The following YEATS2 variants were observed in gnomAD, a reference collection of about 807,000 sequenced individuals.
The protein encoded by YEATS2 is YEATS domain-containing protein 2.
In YEATS2, 77 loss-of-function variants were observed where a neutral mutation model predicts 163.2. The observed-to-expected ratio is 0.47, with a 90% CI of 0.39 to 0.57. The LOEUF is 0.57. Ranked by LOEUF, YEATS2 falls within the 20% of genes least tolerant of loss-of-function variation. The pLI is 0.00. For missense variants in YEATS2, 1,549 were observed against 1,729.8 expected (o/e 0.90, Z 1.85); for synonymous variants, 631 against 645.1 (o/e 0.98, Z 0.33).
At position 183,786,269 on chromosome 3, in the gene YEATS2, G is replaced by A. The variant is rs187815385; in HGVS notation, c.2881G>A (p.Val961Met). The A allele has an allele frequency of 2.0e-5, 33 of 1,613,798 alleles. No individual in the cohort carries two copies. The highest frequency in any genetic ancestry group is 1.3e-4 in the African/African-American group (10 of 75,016). ...GVITTATSPAVALSANGPAQQ... is the reference protein window; with the variant it reads ...GVITTATSPAMALSANGPAQQ... ...TATCACAACTGCCACTTCCCCTGCCGTGGCCCTCTCAGCAAACGGTCCTGC... is the reference window on the plus strand; with the variant it reads ...TATCACAACTGCCACTTCCCCTGCCATGGCCCTCTCAGCAAACGGTCCTGC... Residue 961 changes from valine to methionine, a missense_variant, in exon 20 of 31, where the codon GTG becomes ATG. Val to Met is a conservative substitution (Grantham distance 21). Coordinates refer to ENST00000305135, the MANE Select transcript of YEATS2 (RefSeq NM_018023.5).
intron 6 of YEATS2, among the ~76,000 whole-genome samples, chr3:183,725,561 G>C (rs1276602102): frequency 6.6e-6 from 1 of 152,240 alleles, no homozygotes; most frequent in Non-Finnish European, 1.5e-5. Context: ...TTAAGTGGAG[G>C]CAGGCAAGAG....
chr3:183,729,677 T>G (rs1577069963), intron 7 of YEATS2, among the ~76,000 whole-genome samples: 1 of 13,128 alleles, frequency 7.6e-5, no homozygotes, highest in South Asian at 1.9e-3. Context: ...GTTCTTTACA[T>G]TTTTTTTTTT....
chr3:183,803,480 G>T lies in YEATS2; in HGVS notation c.3582+145G>T, dbSNP rs148246581. The T allele has an allele frequency of 2.0e-4, 162 of 792,968 alleles. 1 individual carries two copies. In the East Asian group the frequency reaches 4.1e-3, roughly 20 times the overall value. 49.1% of individuals were successfully genotyped at this position (792,968 alleles called of 1,614,324 possible). Reference sequence around the variant, plus strand: ...AAAAAATCTCATTTTTCAAAGACCTGTATCCAGCTGACTTTCAGGCGTGCC... The same window carrying T: ...AAAAAATCTCATTTTTCAAAGACCTTTATCCAGCTGACTTTCAGGCGTGCC... On this transcript the variant is annotated intron_variant, in intron 26 of 30. Transcript: ENST00000305135.
chr3:183,749,293 T>C (rs1041447028), intron 9 of YEATS2, among the ~76,000 whole-genome samples: 1 of 152,148 alleles, frequency 6.6e-6, no homozygotes, highest in African/African-American at 2.4e-5. Flanking sequence ...AACACAAAAT[T>C]TACCGTCTTA....
intron 12 of YEATS2, 133 bp from the exon 13 acceptor site, chr3:183,758,729 C>A: frequency 1.4e-6 from 1 of 696,310 alleles, no homozygotes; most frequent in Admixed American, 3.3e-5. Flanking sequence ...TAGTTTCAGC[C>A]TTAACAATGA....
intron 7 of YEATS2, among the ~76,000 whole-genome samples, chr3:183,730,854 A>G (rs1717705862): frequency 6.6e-6 from 1 of 152,184 alleles, no homozygotes; most frequent in African/African-American, 2.4e-5. Context: ...TTGTAGTGAT[A>G]TATCATAGAC....
At chr3:183,801,662 T>TA (rs1725675906) in intron 25 of YEATS2, 134 bp downstream of exon 25, 1 of 611,202 alleles carries the variant, frequency 1.6e-6, no homozygotes, top group East Asian at 3.1e-5. Context: ...CAGCTAGAGA[T>TA]ACAGCCCATT....
intron 1 of YEATS2, among the ~76,000 whole-genome samples, chr3:183,700,137 T>A (rs1713903561): frequency 6.6e-6 from 1 of 152,220 alleles, no homozygotes; most frequent in Admixed American, 6.5e-5. Context: ...CCTAATTGAT[T>A]GTCAAAAGTT....
Position 183,804,172 on chromosome 3 carries a change from G to C in YEATS2, c.3768G>C (p.Gln1256His), listed in dbSNP as rs773127400. The change falls in exon 27 of 31, where the codon CAG (glutamine) becomes CAC (histidine). Residue 1256 changes from glutamine (Q) to histidine (H), a missense_variant. By Grantham distance (24) the Gln-to-His change is conservative. Coordinates refer to ENST00000305135, the MANE Select transcript of YEATS2 (RefSeq NM_018023.5). ...DGDSIEDVLT[Q>H]IDSEPECPSS... Reference sequence around the variant, plus strand: ...ACTCCATCGAGGACGTGCTGACCCAGATCGACAGCGAGCCCGGTAAGCCTT... The same window carrying C: ...ACTCCATCGAGGACGTGCTGACCCACATCGACAGCGAGCCCGGTAAGCCTT... 5.0e-6 allele frequency: 8 copies of C among 1,614,048 alleles called. No homozygotes were observed. Among genetic ancestry groups the C allele is most frequent in the Non-Finnish European group, 6.8e-6 (8 of 1,180,036 alleles).
intron 7 of YEATS2, among the ~76,000 whole-genome samples, chr3:183,732,128 C>T (rs543122068): frequency 6.6e-6 from 1 of 152,088 alleles, no homozygotes; most frequent in East Asian, 1.9e-4. Flanking sequence ...TAGAACTTCT[C>T]GATGTTTAGG....
chr3:183,793,988 G>A (rs1022749505), intron 21 of YEATS2, among the ~76,000 whole-genome samples: 22 of 152,118 alleles, frequency 1.4e-4, no homozygotes, highest in Non-Finnish European at 4.4e-5. Flanking sequence ...TGTGTGCATC[G>A]TAAACTGCAT....
intron 1 of YEATS2, among the ~76,000 whole-genome samples, chr3:183,714,197 A>AT (rs761078586): frequency 0.044 from 6,117 of 138,518 alleles, 231 homozygotes; most frequent in African/African-American, 0.1. Flanking sequence ...GATTTATGGG[A>AT]TTTTTTTTTT....
chr3:183,699,803 C>T (rs1305979683), intron 1 of YEATS2, among the ~76,000 whole-genome samples: 1 of 152,058 alleles, frequency 6.6e-6, no homozygotes, highest in Non-Finnish European at 1.5e-5. Flanking sequence ...TTGAATTGGT[C>T]CTTTTATCAG....
chr3:183,795,964 T>C (rs1725106274), intron 21 of YEATS2, among the ~76,000 whole-genome samples: 1 of 149,474 alleles, frequency 6.7e-6, no homozygotes, highest in Non-Finnish European at 1.5e-5. Flanking sequence ...AAAGTATCTT[T>C]AGCTCTTGAT....
intron 19 of YEATS2, among the ~76,000 whole-genome samples, chr3:183,783,196 A>C (rs1723744442): frequency 6.6e-6 from 1 of 152,220 alleles, no homozygotes; most frequent in Non-Finnish European, 1.5e-5. Context: ...AACCTACTCT[A>C]TACAGTTAGT....
chr3:183,722,276 A>ATAT, intron 5 of YEATS2, 140 bp downstream of exon 5: 2 of 584,282 alleles, frequency 3.4e-6, no homozygotes, highest in African/African-American at 3.6e-5. Flanking sequence ...GGGAAACCAA[A>ATAT]TCTTTTTTTT....
intron 4 of YEATS2, among the ~76,000 whole-genome samples, chr3:183,721,414 A>G (rs1417719691): frequency 6.6e-6 from 1 of 152,242 alleles, no homozygotes; most frequent in Non-Finnish European, 1.5e-5. Flanking sequence ...AGATGTCTAT[A>G]CTGAACTGAA....
chr3:183,777,437 T>G, intron 18 of YEATS2, 105 bp from the exon 19 acceptor site: 1 of 1,222,386 alleles, frequency 8.2e-7, no homozygotes, highest in Admixed American at 2.5e-5. Flanking sequence ...GGGGAGAGCG[T>G]TGTAGCTTGT....
At chr3:183,796,637 T>G (rs1013926410) in intron 21 of YEATS2, among the ~76,000 whole-genome samples, 1 of 150,904 alleles carries the variant, frequency 6.6e-6, no homozygotes, top group African/African-American at 2.4e-5. Context: ...CCCTGAATGC[T>G]TGAAGCTAAT....
Sources: gnomAD v4.1 joint callset for allele counts (sites outside exome capture counted in the v4.1 genomes callset) on GRCh38, gnomAD v4.1.1 for gene constraint, MANE v1.5 for transcripts, NCBI Gene and HGNC (gene_info 2026-07-23, HGNC 2026-07-21) for gene names.